VCF1: variants seen among roughly 807,000 people sequenced by gnomAD.
VCF1 encodes the protein VCP nuclear cofactor family member 1.
chr17:73,213,946 G>A, the VCF1 span, among the ~76,000 whole-genome samples: 11 of 152,056 alleles, frequency 7.2e-5, 1 homozygote, highest in Admixed American at 7.2e-4. Context: ...CTCCAGCCTG[G>A]GTGACAAAGT....
At chr17:73,207,903 A>T in the VCF1 span, 1 of 1,184,274 alleles carries the variant, frequency 8.4e-7, no homozygotes, top group Non-Finnish European at 1.1e-6. Context: ...CTTGTCAAGT[A>T]TCTGGCTTTA....
the VCF1 span, among the ~76,000 whole-genome samples, chr17:73,214,995 A>G: frequency 2.6e-5 from 4 of 152,220 alleles, no homozygotes; most frequent in African/African-American, 4.8e-5. Flanking sequence ...ACATCTGACC[A>G]GGCTATTTTC....
At chr17:73,209,848 T>G in the VCF1 span, 1 of 1,514,132 alleles carries the variant, frequency 6.6e-7, no homozygotes, top group Non-Finnish European at 8.8e-7. Context: ...TGTACAGCGC[T>G]CTATTAAGAG....
the VCF1 span, chr17:73,232,134 G>A: frequency 1.9e-6 from 3 of 1,610,030 alleles, no homozygotes; most frequent in Non-Finnish European, 2.5e-6. Context: ...GAAGCTACGC[G>A]GCGCCGCTCC....
At chr17:73,211,268 A>G in the VCF1 span, among the ~76,000 whole-genome samples, 5 of 151,934 alleles carry the variant, frequency 3.3e-5, no homozygotes, top group African/African-American at 9.7e-5. Flanking sequence ...CCTGGCCAAC[A>G]TGGCAAAACC....
the VCF1 span, among the ~76,000 whole-genome samples, chr17:73,231,045 T>C: frequency 3.3e-5 from 5 of 152,208 alleles, no homozygotes; most frequent in Non-Finnish European, 7.3e-5. Flanking sequence ...ATGTCTGTAA[T>C]TGGGCCCCCA....
At chr17:73,228,910 C>T in the VCF1 span, among the ~76,000 whole-genome samples, 1 of 152,154 alleles carries the variant, frequency 6.6e-6, no homozygotes, top group African/African-American at 2.4e-5. Flanking sequence ...ATTTTATCAG[C>T]GTGCCAACAG....
the VCF1 span, chr17:73,208,680 GC>G: frequency 1.7e-6 from 1 of 577,716 alleles, no homozygotes; most frequent in Non-Finnish European, 3.1e-6. Flanking sequence ...CATTTTATCA[GC>G]GTTCAACAAC....
chr17:73,221,322 T>C, the VCF1 span, among the ~76,000 whole-genome samples: 1 of 151,636 alleles, frequency 6.6e-6, no homozygotes, highest in Non-Finnish European at 1.5e-5. Flanking sequence ...CAGAAACTTC[T>C]AGTGTAATTT....
chr17:73,213,475 A>G, the VCF1 span, among the ~76,000 whole-genome samples: 6 of 152,238 alleles, frequency 3.9e-5, no homozygotes, highest in South Asian at 2.1e-4. Flanking sequence ...TATATATAGT[A>G]TATCAGTTGA....
chr17:73,211,219 G>A, the VCF1 span, among the ~76,000 whole-genome samples: 1 of 151,472 alleles, frequency 6.6e-6, no homozygotes, highest in Non-Finnish European at 1.5e-5. Context: ...ACTTTGGTTG[G>A]CTGAGGCAGG....
chr17:73,225,068 G>GT, the VCF1 span, among the ~76,000 whole-genome samples: 3 of 152,234 alleles, frequency 2.0e-5, no homozygotes, highest in Non-Finnish European at 4.4e-5. Context: ...TCTGGTCAAT[G>GT]TTCAGTAAGC....
At chr17:73,231,535 C>T in the VCF1 span, among the ~76,000 whole-genome samples, 1 of 152,310 alleles carries the variant, frequency 6.6e-6, no homozygotes, top group African/African-American at 2.4e-5. Flanking sequence ...TTCTTAATGC[C>T]ACAGTCAAGA....
At chr17:73,216,691 T>C in the VCF1 span, among the ~76,000 whole-genome samples, 1 of 152,152 alleles carries the variant, frequency 6.6e-6, no homozygotes, top group African/African-American at 2.4e-5. Flanking sequence ...CACTACTCTC[T>C]TTGGCAGAAG....
the VCF1 span, chr17:73,209,449 CT>C: frequency 2.7e-6 from 4 of 1,496,078 alleles, no homozygotes; most frequent in Non-Finnish European, 3.6e-6. Flanking sequence ...TGCAATTTTT[CT>C]TTTAAAACAA....
At chr17:73,231,309 T>G in the VCF1 span, among the ~76,000 whole-genome samples, 5 of 152,178 alleles carry the variant, frequency 3.3e-5, no homozygotes, top group African/African-American at 9.7e-5. Flanking sequence ...CCTCCACACA[T>G]TCTTGCAGAG....
At chr17:73,213,954 A>G in the VCF1 span, among the ~76,000 whole-genome samples, 1 of 152,310 alleles carries the variant, frequency 6.6e-6, no homozygotes, top group South Asian at 2.1e-4. Context: ...TGGGTGACAA[A>G]GTGAGACTCT....
the VCF1 span, among the ~76,000 whole-genome samples, chr17:73,222,549 G>T: frequency 1.4e-4 from 21 of 151,494 alleles, no homozygotes; most frequent in African/African-American, 4.9e-4. Context: ...AGGCCAAGGC[G>T]GATGGATCAC....
chr17:73,229,456 T>C, the VCF1 span: 1 of 985,460 alleles, frequency 1.0e-6, no homozygotes, highest in Non-Finnish European at 1.2e-6. Context: ...ACCATCTAGG[T>C]GCAGATTACC....
Sources: gnomAD v4.1 joint callset for allele counts (sites outside exome capture counted in the v4.1 genomes callset) on GRCh38, gnomAD v4.1.1 for gene constraint, MANE v1.5 for transcripts, NCBI Gene and HGNC (gene_info 2026-07-23, HGNC 2026-07-21) for gene names.